The following TMEM244 variants were observed in gnomAD, a reference collection of about 807,000 sequenced individuals.
The protein encoded by TMEM244 is transmembrane protein 244.
In TMEM244, 13 loss-of-function variants were observed where a neutral mutation model predicts 15.8. That is an observed-to-expected ratio of 0.82 (90% CI 0.53 to 1.30). The LOEUF is 1.30. Ranked by LOEUF, TMEM244 falls within the 50% of genes most tolerant of loss-of-function variation. The probability of loss-of-function intolerance (pLI) is 0.00; values close to 1 mark genes in which losing one functional copy is unlikely to be tolerated. For missense variants in TMEM244, 161 were observed against 144.9 expected (o/e 1.11, Z -0.57); for synonymous variants, 45 against 48.7 (o/e 0.92, Z 0.32).
chr6:129,839,794 C>G (rs1776462751), intron 3 of TMEM244, among the ~76,000 whole-genome samples: 1 of 152,142 alleles, frequency 6.6e-6, no homozygotes, highest in Non-Finnish European at 1.5e-5. Flanking sequence ...AATAGACAAA[C>G]AGAGAGCCAA....
chr6:129,841,787 G>A (rs866409295), intron 3 of TMEM244, among the ~76,000 whole-genome samples: 1 of 152,102 alleles, frequency 6.6e-6, no homozygotes, highest in Non-Finnish European at 1.5e-5. Flanking sequence ...ACTTTCCAGT[G>A]TCCTTACTAA....
chr6:129,840,397 A>G (rs1196912822), intron 3 of TMEM244, among the ~76,000 whole-genome samples: 1 of 152,218 alleles, frequency 6.6e-6, no homozygotes, highest in East Asian at 1.9e-4. Flanking sequence ...CTGAAACTGG[A>G]TGGCTTCCCT....
chr6:129,838,662 T>A (rs1776443074), intron 3 of TMEM244, among the ~76,000 whole-genome samples: 1 of 151,740 alleles, frequency 6.6e-6, no homozygotes, highest in Non-Finnish European at 1.5e-5. Flanking sequence ...TTTGAGAAGA[T>A]CAACAAAATA....
chr6:129,849,098 TA>T (rs1428126368), intron 1 of TMEM244, among the ~76,000 whole-genome samples: 1 of 152,092 alleles, frequency 6.6e-6, no homozygotes, highest in Non-Finnish European at 1.5e-5. Flanking sequence ...AACCATTTTT[TA>T]ATTAAATTAT....
intron 4 of TMEM244, 151 bp from the exon 5 acceptor site, chr6:129,831,537 T>C: frequency 3.2e-6 from 2 of 623,110 alleles, no homozygotes; most frequent in South Asian, 4.0e-5. Flanking sequence ...TGTACTTCAG[T>C]CCTGGTCTAA....
At chr6:129,841,496 C>G (rs911325215) in intron 3 of TMEM244, among the ~76,000 whole-genome samples, 3 of 151,978 alleles carry the variant, frequency 2.0e-5, no homozygotes, top group Non-Finnish European at 4.4e-5. Flanking sequence ...GTGCAGCAAA[C>G]CAACATGGCA....
chr6:129,833,708 G>A (rs1776362841), intron 3 of TMEM244, 123 bp from the exon 4 acceptor site: 2 of 956,984 alleles, frequency 2.1e-6, no homozygotes, highest in Non-Finnish European at 3.1e-6. Context: ...TTTTTTAAAT[G>A]TTCCATTTCC....
intron 1 of TMEM244, among the ~76,000 whole-genome samples, chr6:129,855,995 C>A (rs142964227): frequency 0.012 from 1,751 of 152,112 alleles, 33 homozygotes; most frequent in African/African-American, 0.04. Flanking sequence ...TTTATTTTTT[C>A]TTCTACATTT....
intron 3 of TMEM244, among the ~76,000 whole-genome samples, chr6:129,836,894 T>C (rs1049000357): frequency 1.3e-5 from 2 of 151,988 alleles, no homozygotes; most frequent in African/African-American, 4.8e-5. Flanking sequence ...TGAAAAGAAA[T>C]GAACAAAGCC....
At chr6:129,838,103 A>C (rs1170632176) in intron 3 of TMEM244, among the ~76,000 whole-genome samples, 2 of 152,204 alleles carry the variant, frequency 1.3e-5, no homozygotes, top group African/African-American at 2.4e-5. Context: ...CTACACCCCA[A>C]ATCAATGGAA....
At chr6:129,837,595 G>C (rs9375668) in intron 3 of TMEM244, among the ~76,000 whole-genome samples, 56,696 of 152,032 alleles carry the variant, frequency 0.37, 11,073 homozygotes, top group South Asian at 0.5. Flanking sequence ...AAATGTAAAT[G>C]GGCTAAATGC....
intron 1 of TMEM244, among the ~76,000 whole-genome samples, chr6:129,847,828 G>A (rs1256577513): frequency 6.8e-6 from 1 of 147,732 alleles, no homozygotes; most frequent in African/African-American, 2.5e-5. Flanking sequence ...AGGCTGGAGT[G>A]CAATGGCATG....
At chr6:129,832,535 A>T (rs1293386492) in intron 4 of TMEM244, among the ~76,000 whole-genome samples, 1 of 152,246 alleles carries the variant, frequency 6.6e-6, no homozygotes, top group Admixed American at 6.5e-5. Flanking sequence ...TGCTTTAAAA[A>T]AAAATTAGGC....
chr6:129,852,364 A>T (rs1230194005), intron 1 of TMEM244, among the ~76,000 whole-genome samples: 1 of 152,158 alleles, frequency 6.6e-6, no homozygotes, highest in Non-Finnish European at 1.5e-5. Context: ...TGTATGTGCA[A>T]GACGCCAAGC....
At chr6:129,833,697 A>T in intron 3 of TMEM244, 112 bp from the exon 4 acceptor site, 1 of 1,090,920 alleles carries the variant, frequency 9.2e-7, no homozygotes, top group Non-Finnish European at 1.3e-6. Flanking sequence ...TTTGGTAAGA[A>T]TTTTTTAAAT....
Position 129,841,838 on chromosome 6 carries a change from A to T in TMEM244, c.193+1692T>A, listed in dbSNP as rs113202332. Among the ~76,000 whole-genome samples the T allele has an allele frequency of 2.5e-3, 385 of 152,210 alleles. 1 individual carries two copies. Among genetic ancestry groups the T allele is most frequent in the African/African-American group, 8.7e-3 (361 of 41,498 alleles). ...TGACAAAATTATTGAAACCTACACA[A>T]AACCTGACCATAATAAATACATGCC... On this transcript the variant is annotated intron_variant, in intron 3 of 4. Coordinates refer to ENST00000368143, the MANE Select transcript of TMEM244 (RefSeq NM_001010876.2).
At chr6:129,843,949 A>G (rs1776527592) in intron 2 of TMEM244, among the ~76,000 whole-genome samples, 1 of 152,218 alleles carries the variant, frequency 6.6e-6, no homozygotes, top group Non-Finnish European at 1.5e-5. Context: ...TGACCAAACC[A>G]GTAGTTCTTC....
In TMEM244 at chr6:129,845,826, A is replaced by G; in HGVS notation, c.60T>C (p.Cys20=). 1 of 1,613,186 alleles carries G rather than the reference A, an allele frequency of 6.2e-7. No homozygotes were observed. Among genetic ancestry groups the G allele is most frequent in the South Asian group, 1.1e-5 (1 of 90,784 alleles). Residue 20 remains cysteine (C), a synonymous_variant, in exon 2 of 5, where the codon TGT becomes TGC. Transcript: ENST00000368143. ...SKVVLQKFLL[C]VILFYTVYYV... The stretch of plus-strand genomic sequence containing the variant: ...AGTACACAGTGTAGAAAAGAATGAC[A>G]CATAGAAGAAACTTCTGCAAAACAA...
chr6:129,856,458 A>G (rs1374748123), intron 1 of TMEM244, among the ~76,000 whole-genome samples: 1 of 152,154 alleles, frequency 6.6e-6, no homozygotes, highest in Non-Finnish European at 1.5e-5. Context: ...AAGTATTCTT[A>G]GCACACATGC....
Sources: gnomAD v4.1 joint callset for allele counts (sites outside exome capture counted in the v4.1 genomes callset) on GRCh38, gnomAD v4.1.1 for gene constraint, MANE v1.5 for transcripts, NCBI Gene and HGNC (gene_info 2026-07-23, HGNC 2026-07-21) for gene names.